ANKMY2: variants seen among roughly 807,000 people sequenced by gnomAD.
ANKMY2 encodes ankyrin repeat and MYND domain-containing protein 2.
A neutral mutation model predicts 50.4 loss-of-function variants in ANKMY2; 36 were observed. The observed-to-expected ratio is 0.71, with a 90% CI of 0.55 to 0.94. ANKMY2 has a LOEUF of 0.94. Among genes scored for constraint, ANKMY2 ranks in the 40% least tolerant of loss-of-function variants. The pLI, the probability that ANKMY2 is intolerant of heterozygous loss-of-function variation, is 0.00. For missense variants in ANKMY2, 565 were observed against 524.0 expected (o/e 1.08, Z -0.76); for synonymous variants, 187 against 178.8 (o/e 1.05, Z -0.36).
intron 4 of ANKMY2, among the ~76,000 whole-genome samples, chr7:16,620,994 A>C (rs1677174322): frequency 6.6e-6 from 1 of 152,238 alleles, no homozygotes; most frequent in Non-Finnish European, 1.5e-5. Flanking sequence ...AAATATTTTC[A>C]TTAAAAACAG....
In ANKMY2 at chr7:16,624,966, C is replaced by G. The variant is rs1045541301; in HGVS notation, c.370+17G>C. 5.6e-6 allele frequency: 9 copies of G among 1,609,612 alleles called. No homozygotes were observed. The African/African-American group carries it at 1.2e-4, about 22-fold the overall frequency. Reference sequence around the variant, plus strand: ...ATTTTGGGTATAATCTAATGCAAAACTGCAGCAAAATCTCACCCACAAAGG... The same window carrying G: ...ATTTTGGGTATAATCTAATGCAAAAGTGCAGCAAAATCTCACCCACAAAGG... On this transcript the variant is annotated intron_variant, in intron 4 of 9. Transcript: ENST00000306999.
chr7:16,644,446 A>G (rs553614031), intron 1 of ANKMY2, among the ~76,000 whole-genome samples: 91 of 152,316 alleles, frequency 6.0e-4, no homozygotes, highest in African/African-American at 2.0e-3. Flanking sequence ...CCTTGTCGCT[A>G]TGAAGAATAA....
intron 1 of ANKMY2, among the ~76,000 whole-genome samples, chr7:16,640,710 C>T (rs1404397): frequency 0.79 from 119,644 of 151,640 alleles, 47,427 homozygotes; most frequent in African/African-American, 0.83. Flanking sequence ...TTTGTAACAA[C>T]GGGGTCTCAC....
chr7:16,603,793 G>A (rs117308433), intron 8 of ANKMY2: 6,513 of 448,154 alleles, frequency 0.015, 105 homozygotes, highest in South Asian at 0.038. Flanking sequence ...GTGTACCTTT[G>A]CTATTGCCAT....
At chr7:16,619,105 T>A (rs1781398172) in intron 4 of ANKMY2, among the ~76,000 whole-genome samples, 1 of 151,916 alleles carries the variant, frequency 6.6e-6, no homozygotes, top group South Asian at 2.1e-4. Context: ...TAAAAATAAT[T>A]GCTACATAAC....
At chr7:16,633,655 C>T (rs951354656) in intron 2 of ANKMY2, among the ~76,000 whole-genome samples, 40 of 152,208 alleles carry the variant, frequency 2.6e-4, no homozygotes, top group African/African-American at 8.9e-4. Context: ...AAATAAGCTA[C>T]AATTTCCGTT....
chr7:16,606,256 C>A (rs190882386), intron 7 of ANKMY2, among the ~76,000 whole-genome samples: 2 of 152,176 alleles, frequency 1.3e-5, no homozygotes. Flanking sequence ...CTTGGTGAAG[C>A]CCCGACTCTA....
chr7:16,644,797 C>T (rs1398538932), intron 1 of ANKMY2: 2 of 458,208 alleles, frequency 4.4e-6, no homozygotes, highest in South Asian at 3.2e-5. Flanking sequence ...CTCAGCACTG[C>T]GGAAGTGGGG....
At chr7:16,608,163 G>A (rs1407104844) in intron 7 of ANKMY2, among the ~76,000 whole-genome samples, 3 of 152,160 alleles carry the variant, frequency 2.0e-5, no homozygotes, top group African/African-American at 7.2e-5. Context: ...GACCTAGTCT[G>A]CCTACCTTTG....
intron 4 of ANKMY2, among the ~76,000 whole-genome samples, chr7:16,621,995 A>G (rs34519342): frequency 0.22 from 33,311 of 151,468 alleles, 4,232 homozygotes; most frequent in Middle Eastern, 0.29. Context: ...AAATAAATAA[A>G]TAAATTTCCT....
intron 8 of ANKMY2, among the ~76,000 whole-genome samples, chr7:16,602,949 C>T (rs1333548602): frequency 6.6e-6 from 1 of 152,182 alleles, no homozygotes; most frequent in African/African-American, 2.4e-5. Context: ...GAGCAGATGC[C>T]CATGCCATGC....
intron 4 of ANKMY2, among the ~76,000 whole-genome samples, chr7:16,624,181 G>A (rs1583678288): frequency 6.6e-6 from 1 of 152,244 alleles, no homozygotes. Context: ...TTGCTTTATA[G>A]GTTGTGAACA....
chr7:16,619,884 C>T (rs1781409373), intron 4 of ANKMY2, among the ~76,000 whole-genome samples: 1 of 152,102 alleles, frequency 6.6e-6, no homozygotes. Flanking sequence ...CAAGGATAAA[C>T]TGAAAATCAA....
intron 1 of ANKMY2, among the ~76,000 whole-genome samples, chr7:16,640,819 A>C (rs1387738440): frequency 6.6e-6 from 1 of 152,096 alleles, no homozygotes; most frequent in Non-Finnish European, 1.5e-5. Context: ...ATGAGCCACT[A>C]TGTCCAGCTG....
intron 2 of ANKMY2, among the ~76,000 whole-genome samples, chr7:16,627,728 T>C (rs1055692846): frequency 3.3e-5 from 5 of 152,244 alleles, no homozygotes; most frequent in African/African-American, 1.2e-4. Context: ...AAAACCATGA[T>C]TCCCCAAATC....
chr7:16,602,147 T>C (rs1296260465), intron 9 of ANKMY2, among the ~76,000 whole-genome samples: 1 of 152,202 alleles, frequency 6.6e-6, no homozygotes, highest in Admixed American at 6.5e-5. Flanking sequence ...ATGTAAAATA[T>C]GAAATAAGCT....
At chr7:16,605,157 T>G (rs1412698340) in intron 7 of ANKMY2, among the ~76,000 whole-genome samples, 2 of 152,234 alleles carry the variant, frequency 1.3e-5, no homozygotes, top group African/African-American at 4.8e-5. Context: ...GTTTCAGATT[T>G]AGGACAATAA....
chr7:16,605,400 T>C (rs1240560075), intron 7 of ANKMY2, among the ~76,000 whole-genome samples: 1 of 152,164 alleles, frequency 6.6e-6, no homozygotes, highest in African/African-American at 2.4e-5. Context: ...GAAACACACA[T>C]GCAGCAATTG....
At chr7:16,605,951 G>T in intron 7 of ANKMY2, among the ~76,000 whole-genome samples, 1 of 151,872 alleles carries the variant, frequency 6.6e-6, no homozygotes, top group African/African-American at 2.4e-5. Context: ...CCAAAGTGCT[G>T]GGATTACAGG....
Sources: gnomAD v4.1 joint callset for allele counts (sites outside exome capture counted in the v4.1 genomes callset) on GRCh38, gnomAD v4.1.1 for gene constraint, MANE v1.5 for transcripts, NCBI Gene and HGNC (gene_info 2026-07-23, HGNC 2026-07-21) for gene names.